Variants in ERBB4 observed in about 807,000 individuals in gnomAD.
ERBB4 encodes the protein erb-b2 receptor tyrosine kinase 4, also known as receptor tyrosine-protein kinase erbB-4.
In ERBB4, 42 loss-of-function variants were observed where a neutral mutation model predicts 158.0. The ratio of observed to expected loss-of-function variants is 0.27; its 90% confidence interval spans 0.21 to 0.34. The LOEUF (loss-of-function observed/expected upper bound fraction) is 0.34. Among genes scored for constraint, ERBB4 ranks in the 10% least tolerant of loss-of-function variants. The pLI is 1.00. For missense variants in ERBB4, 1,333 were observed against 1,624.1 expected (o/e 0.82, Z 3.08); for synonymous variants, 583 against 558.7 (o/e 1.04, Z -0.61).
At chr2:211,940,082 G>T (rs1234536354) in intron 3 of ERBB4, among the ~76,000 whole-genome samples, 5 of 152,066 alleles carry the variant, frequency 3.3e-5, no homozygotes, top group African/African-American at 9.6e-5. Context: ...AAATCAGAAA[G>T]TGCAACAATC....
intron 20 of ERBB4, among the ~76,000 whole-genome samples, chr2:211,518,170 C>T (rs1262908783): frequency 6.6e-6 from 1 of 151,946 alleles, no homozygotes; most frequent in Admixed American, 6.6e-5. Flanking sequence ...TTCTAGGTGT[C>T]TCAGTTTTCT....
intron 2 of ERBB4, among the ~76,000 whole-genome samples, chr2:211,973,926 T>TA (rs1199956900): frequency 1.3e-5 from 2 of 152,226 alleles, no homozygotes; most frequent in Non-Finnish European, 2.9e-5. Flanking sequence ...TCATGTCCTT[T>TA]ACAGGGACAT....
Position 211,521,688 on chromosome 2 carries a change from T to C in ERBB4, c.2487+40215A>G, listed in dbSNP as rs549415324. The stretch of plus-strand genomic sequence containing the variant: ...GAAGTCAATGCCTGGCTTCAAAGCT[T>C]CAAAGGTCAGCCTGACTCTCTTTTT... On this transcript the variant is annotated intron_variant, in intron 20 of 27. Transcript: ENST00000342788. Among the ~76,000 whole-genome samples, 41 of 152,258 alleles carry C rather than the reference T, an allele frequency of 2.7e-4. 1 individual carries two copies. The South Asian group carries it at 7.5e-3, about 28-fold the overall frequency.
At chr2:212,056,469 A>G (rs1408054011) in intron 2 of ERBB4, among the ~76,000 whole-genome samples, 1 of 152,190 alleles carries the variant, frequency 6.6e-6, no homozygotes, top group Non-Finnish European at 1.5e-5. Flanking sequence ...TCCAAGACAC[A>G]TAATTGTCAG....
intron 2 of ERBB4, among the ~76,000 whole-genome samples, chr2:212,089,107 T>C (rs1004090718): frequency 1.3e-5 from 2 of 152,104 alleles, no homozygotes; most frequent in Non-Finnish European, 1.5e-5. Context: ...GGAAAGCAAA[T>C]AGAAAAATAC....
At chr2:212,440,335 A>T (rs962432455) in intron 1 of ERBB4, among the ~76,000 whole-genome samples, 1 of 152,222 alleles carries the variant, frequency 6.6e-6, no homozygotes, top group South Asian at 2.1e-4. Flanking sequence ...AGACTGGCCT[A>T]GCATCCCAGG....
intron 3 of ERBB4, among the ~76,000 whole-genome samples, chr2:211,868,016 T>C (rs78374979): frequency 0.044 from 6,633 of 152,310 alleles, 249 homozygotes; most frequent in Non-Finnish European, 0.065. Context: ...ATAGTACTTT[T>C]TGAAGTTCCA....
chr2:211,639,814 G>A (rs555797987), intron 16 of ERBB4, among the ~76,000 whole-genome samples: 4 of 151,996 alleles, frequency 2.6e-5, no homozygotes, highest in African/African-American at 4.8e-5. Context: ...CTCCACCTCC[G>A]GAGTTCAAGC....
At chr2:212,053,870 C>A (rs2077475244) in intron 2 of ERBB4, among the ~76,000 whole-genome samples, 1 of 152,132 alleles carries the variant, frequency 6.6e-6, no homozygotes, top group Non-Finnish European at 1.5e-5. Context: ...GCCTACATCA[C>A]CCTGCATTCT....
chr2:211,416,409 T>G (rs961766524), intron 25 of ERBB4, among the ~76,000 whole-genome samples: 3 of 152,122 alleles, frequency 2.0e-5, no homozygotes, highest in Admixed American at 2.0e-4. Context: ...TGTTTAAATA[T>G]CTAGAGAAAA....
chr2:212,412,428 C>T (rs1008063026), intron 1 of ERBB4, among the ~76,000 whole-genome samples: 6 of 152,144 alleles, frequency 3.9e-5, no homozygotes, highest in Admixed American at 2.0e-4. Context: ...TACCTCCCCA[C>T]GACTCCTTCT....
At chr2:211,593,993 T>C (rs62180248) in intron 19 of ERBB4, among the ~76,000 whole-genome samples, 4,258 of 152,240 alleles carry the variant, frequency 0.028, 85 homozygotes, top group Middle Eastern at 0.051. Flanking sequence ...CACAACCTGG[T>C]ATCTCTCTAT....
chr2:211,384,164 C>T (rs770394514), intron 27 of ERBB4, 104 bp from the exon 28 acceptor site: 28 of 812,646 alleles, frequency 3.4e-5, no homozygotes, highest in Non-Finnish European at 5.2e-5. Context: ...ACAAAAAAAC[C>T]CACAGATTTG....
chr2:211,757,113 G>T (rs553908203), intron 4 of ERBB4, among the ~76,000 whole-genome samples: 5 of 152,310 alleles, frequency 3.3e-5, no homozygotes, highest in African/African-American at 1.2e-4. Context: ...TTTATGAGAT[G>T]TTAATACTTC....
At chr2:212,246,941 A>G (rs540082453) in intron 1 of ERBB4, among the ~76,000 whole-genome samples, 12 of 152,282 alleles carry the variant, frequency 7.9e-5, no homozygotes, top group South Asian at 6.2e-4. Flanking sequence ...AGTTTCCTCA[A>G]CTGAAAGAAA....
At chr2:211,978,117 T>C (rs1015562798) in intron 2 of ERBB4, among the ~76,000 whole-genome samples, 1 of 151,658 alleles carries the variant, frequency 6.6e-6, no homozygotes, top group Non-Finnish European at 1.5e-5. Flanking sequence ...CATTTAGTCT[T>C]TATGGTCCCT....
chr2:212,060,870 TA>T (rs1451123083), intron 2 of ERBB4, among the ~76,000 whole-genome samples: 1 of 150,460 alleles, frequency 6.6e-6, no homozygotes, highest in Non-Finnish European at 1.5e-5. Flanking sequence ...AATGAGGAGT[TA>T]AAGAGTGCAG....
At chr2:212,518,184 G>A (rs1278519162) in intron 1 of ERBB4, among the ~76,000 whole-genome samples, 1 of 151,862 alleles carries the variant, frequency 6.6e-6, no homozygotes, top group Admixed American at 6.6e-5. Context: ...AATTGATAAG[G>A]AACTGATTTT....
intron 1 of ERBB4, among the ~76,000 whole-genome samples, chr2:212,483,327 G>C (rs1219402873): frequency 6.6e-6 from 1 of 152,176 alleles, no homozygotes; most frequent in Non-Finnish European, 1.5e-5. Flanking sequence ...CATTTTAGAG[G>C]TGAATCCACA....
Sources: gnomAD v4.1 joint callset for allele counts (sites outside exome capture counted in the v4.1 genomes callset) on GRCh38, gnomAD v4.1.1 for gene constraint, MANE v1.5 for transcripts, NCBI Gene and HGNC (gene_info 2026-07-23, HGNC 2026-07-21) for gene names.